Variants in CNTN5 observed in about 807,000 individuals in gnomAD.
CNTN5 encodes the protein contactin 5, also known as contactin-5.
In CNTN5, 77 loss-of-function variants were observed where a neutral mutation model predicts 129.1. That is an observed-to-expected ratio of 0.60 (90% confidence interval 0.50 to 0.72). CNTN5 has a LOEUF of 0.72. Ranked by LOEUF, CNTN5 falls within the 30% of genes least tolerant of loss-of-function variation. CNTN5 has a pLI of 0.00. For synonymous variants in CNTN5, 509 were observed against 465.6 expected (o/e 1.09, Z -1.20); for missense variants, 1,478 against 1,328.8 (o/e 1.11, Z -1.75).
intron 15 of CNTN5, among the ~76,000 whole-genome samples, chr11:100,214,035 T>G (rs1382056700): frequency 6.6e-6 from 1 of 152,154 alleles, no homozygotes; most frequent in Non-Finnish European, 1.5e-5. Flanking sequence ...ATTAAAATAT[T>G]TACTAGTATT....
chr11:99,693,420 A>G (rs1353164312), intron 3 of CNTN5, among the ~76,000 whole-genome samples: 1 of 152,074 alleles, frequency 6.6e-6, no homozygotes, highest in Non-Finnish European at 1.5e-5. Context: ...AAGAAGTTAC[A>G]ACCTGTGATG....
intron 18 of CNTN5, among the ~76,000 whole-genome samples, chr11:100,293,464 T>C (rs890561063): frequency 7.2e-5 from 11 of 151,778 alleles, no homozygotes; most frequent in African/African-American, 9.7e-5. Flanking sequence ...TGTTTCAAGA[T>C]TGCGTGTGTA....
intron 15 of CNTN5, among the ~76,000 whole-genome samples, chr11:100,216,563 A>C (rs957467887): frequency 1.3e-5 from 2 of 151,832 alleles, no homozygotes; most frequent in Non-Finnish European, 1.5e-5. Context: ...ACATATTGAA[A>C]ATTTTCTTGA....
At chr11:100,093,335 A>G (rs1054305279) in intron 13 of CNTN5, among the ~76,000 whole-genome samples, 1 of 152,088 alleles carries the variant, frequency 6.6e-6, no homozygotes, top group Non-Finnish European at 1.5e-5. Flanking sequence ...ACCATAGCGC[A>G]CTGTAATCTG....
intron 3 of CNTN5, among the ~76,000 whole-genome samples, chr11:99,743,667 T>C (rs17609063): frequency 0.015 from 2,213 of 152,280 alleles, 27 homozygotes; most frequent in Middle Eastern, 0.027. Flanking sequence ...AGTCATACTT[T>C]ACAGGGAGAC....
At chr11:99,557,676 C>T (rs544614875) in intron 3 of CNTN5, among the ~76,000 whole-genome samples, 1 of 151,498 alleles carries the variant, frequency 6.6e-6, no homozygotes, top group Non-Finnish European at 1.5e-5. Context: ...TCGTAATGTA[C>T]CAAAAGTATA....
intron 1 of CNTN5, among the ~76,000 whole-genome samples, chr11:99,033,577 G>A (rs1288552480): frequency 9.9e-5 from 15 of 151,922 alleles, no homozygotes; most frequent in Middle Eastern, 3.4e-3. Flanking sequence ...TTTGTCTGTT[G>A]TTGGTGTATA....
intron 2 of CNTN5, among the ~76,000 whole-genome samples, chr11:99,522,851 TGCCGTGCCTTCTC>T (rs1947319901): frequency 6.6e-6 from 1 of 152,192 alleles, no homozygotes; most frequent in Admixed American, 6.6e-5. Context: ...TTGTAACTAA[TGCCGTGCCTTCTC>T]GCCCTTCCTT....
chr11:100,244,700 A>G (rs1295144408), intron 16 of CNTN5, among the ~76,000 whole-genome samples: 1 of 152,158 alleles, frequency 6.6e-6, no homozygotes, highest in African/African-American at 2.4e-5. Flanking sequence ...CTATAATAGG[A>G]TATCTGTAAT....
chr11:99,664,671 G>A (rs1000910115), intron 3 of CNTN5, among the ~76,000 whole-genome samples: 2 of 152,048 alleles, frequency 1.3e-5, no homozygotes, highest in African/African-American at 4.8e-5. Flanking sequence ...TGGATCACTG[G>A]AACTATTATG....
At chr11:100,115,051 C>T (rs1457048877) in intron 13 of CNTN5, among the ~76,000 whole-genome samples, 1 of 147,990 alleles carries the variant, frequency 6.8e-6, no homozygotes, top group Non-Finnish European at 1.5e-5. Context: ...GGACTGCCTC[C>T]TCTCCCATGG....
intron 7 of CNTN5, among the ~76,000 whole-genome samples, chr11:99,943,165 G>A (rs983411854): frequency 1.1e-4 from 16 of 152,048 alleles, no homozygotes; most frequent in South Asian, 4.1e-4. Context: ...GGTTAAAAGC[G>A]TTTCTATTTC....
At chr11:99,878,937 T>C (rs1948703637) in intron 6 of CNTN5, among the ~76,000 whole-genome samples, 1 of 152,148 alleles carries the variant, frequency 6.6e-6, no homozygotes, top group African/African-American at 2.4e-5. Context: ...GTTTTTTGTT[T>C]TTGTTTTTCT....
chr11:99,885,463 T>C (rs1201370481), intron 6 of CNTN5, among the ~76,000 whole-genome samples: 2 of 152,088 alleles, frequency 1.3e-5, no homozygotes, highest in African/African-American at 4.8e-5. Context: ...TAGAATTGTG[T>C]CTTCAGAAAA....
intron 1 of CNTN5, among the ~76,000 whole-genome samples, chr11:99,162,113 A>G (rs1181506122): frequency 1.3e-5 from 2 of 152,088 alleles, no homozygotes; most frequent in Admixed American, 6.5e-5. Flanking sequence ...CTAGAAAGAA[A>G]ATGTATGTCT....
At chr11:99,368,653 A>G (rs1939615790) in intron 2 of CNTN5, among the ~76,000 whole-genome samples, 1 of 152,148 alleles carries the variant, frequency 6.6e-6, no homozygotes, top group South Asian at 2.1e-4. Context: ...TAATTATCGT[A>G]AGACTACAGC....
intron 18 of CNTN5, among the ~76,000 whole-genome samples, chr11:100,275,080 A>G (rs1950479841): frequency 8.2e-6 from 1 of 121,420 alleles, no homozygotes; most frequent in Non-Finnish European, 1.7e-5. Context: ...TTTTTTCCAT[A>G]TAAAAATTAA....
intron 2 of CNTN5, among the ~76,000 whole-genome samples, chr11:99,546,084 C>T (rs1001533937): frequency 9.2e-5 from 14 of 152,088 alleles, no homozygotes; most frequent in African/African-American, 2.7e-4. Context: ...ATTCTGATGC[C>T]GAGTTTGAAT....
intron 8 of CNTN5, among the ~76,000 whole-genome samples, chr11:100,000,948 G>T (rs554694639): frequency 6.6e-6 from 1 of 152,212 alleles, no homozygotes; most frequent in East Asian, 1.9e-4. Flanking sequence ...ACCATGTCTC[G>T]AGGCTGCACG....
Sources: gnomAD v4.1 joint callset for allele counts (sites outside exome capture counted in the v4.1 genomes callset) on GRCh38, gnomAD v4.1.1 for gene constraint, MANE v1.5 for transcripts, NCBI Gene and HGNC (gene_info 2026-07-23, HGNC 2026-07-21) for gene names.